The following CACNA2D3 variants were observed in gnomAD, a reference collection of about 807,000 sequenced individuals.
CACNA2D3 encodes voltage-dependent calcium channel subunit alpha-2/delta-3.
CACNA2D3 carries 60 observed loss-of-function variants against 160.6 expected under a neutral mutation model. The observed-to-expected ratio is 0.37, with a 90% CI of 0.30 to 0.46. The LOEUF (loss-of-function observed/expected upper bound fraction) is 0.46. CACNA2D3 is among the 20% of genes least tolerant of loss of function. The pLI is 1.00. For synonymous variants in CACNA2D3, 558 were observed against 492.9 expected, an observed-to-expected ratio of 1.13 and a Z score of -1.75; for missense variants, 1,205 against 1,365.0, an observed-to-expected ratio of 0.88 and a Z score of 1.85.
intron 13 of CACNA2D3, among the ~76,000 whole-genome samples, chr3:54,803,643 C>A (rs1372505300): frequency 6.6e-6 from 1 of 152,140 alleles, no homozygotes; most frequent in African/African-American, 2.4e-5. Context: ...AGGATATGAT[C>A]CAGTAGAACT....
chr3:54,734,575 G>A (rs182292383), intron 11 of CACNA2D3, among the ~76,000 whole-genome samples: 19 of 152,288 alleles, frequency 1.2e-4, no homozygotes, highest in Admixed American at 2.0e-4. Flanking sequence ...ATCTTGGTGC[G>A]TGACACCCCA....
At chr3:54,563,612 G>A (rs1702362028) in intron 6 of CACNA2D3, among the ~76,000 whole-genome samples, 1 of 152,182 alleles carries the variant, frequency 6.6e-6, no homozygotes, top group Non-Finnish European at 1.5e-5. Context: ...ATTAAAAAGG[G>A]AAGTTTTAAT....
At chr3:54,698,653 C>T (rs567625225) in intron 11 of CACNA2D3, among the ~76,000 whole-genome samples, 4 of 152,010 alleles carry the variant, frequency 2.6e-5, no homozygotes, top group African/African-American at 7.2e-5. Flanking sequence ...GAGATGAGAA[C>T]GTACAAGTAA....
At chr3:54,368,461 G>A (rs1559462531) in intron 3 of CACNA2D3, among the ~76,000 whole-genome samples, 1 of 152,080 alleles carries the variant, frequency 6.6e-6, no homozygotes, top group Non-Finnish European at 1.5e-5. Flanking sequence ...GAAAGAGAAG[G>A]GGAGAGGGGC....
At chr3:54,879,681 G>A (rs1010406907) in intron 20 of CACNA2D3, among the ~76,000 whole-genome samples, 10 of 152,226 alleles carry the variant, frequency 6.6e-5, no homozygotes, top group Admixed American at 3.9e-4. Flanking sequence ...CCCGCTAAGG[G>A]TGAAGACAAG....
At chr3:54,347,382 G>A (rs1559456714) in intron 3 of CACNA2D3, among the ~76,000 whole-genome samples, 1 of 152,152 alleles carries the variant, frequency 6.6e-6, no homozygotes, top group African/African-American at 2.4e-5. Flanking sequence ...GGAGTATAGG[G>A]GAGCTGTAAT....
At position 55,007,832 on chromosome 3, in the gene CACNA2D3, G is replaced by A. The variant is rs1418116779; in HGVS notation, c.2809G>A (p.Glu937Lys). 2.6e-6 allele frequency: 4 copies of A among 1,549,872 alleles called. No homozygotes were observed. Among genetic ancestry groups the A allele is most frequent in the Non-Finnish European group, 2.6e-6 (3 of 1,151,864 alleles). ...CTCTGCAGTAAAATGGATCATGACA[G>A]AACTTGTCTTGTAAGTAAAATCTGC... is the stretch of plus-strand genomic sequence containing the variant. ...FLSAVKWIMT[E>K]LVLFLVEFNL... The change falls in exon 33 of 38, where the codon GAA (glutamate) becomes AAA (lysine). Residue 937 changes from glutamate to lysine, a missense_variant. By Grantham distance (56) the Glu-to-Lys change is moderately conservative. Around this residue, in one of 3 missense-constraint regions of CACNA2D3, gnomAD observed 911 missense variants for 1,002.2 expected, o/e 0.91. Transcript: ENST00000474759.
chr3:54,386,904 G>T, intron 4 of CACNA2D3, 130 bp downstream of exon 4: 1 of 796,000 alleles, frequency 1.3e-6, no homozygotes, highest in Non-Finnish European at 1.9e-6. Flanking sequence ...GTACTGAGTT[G>T]GAATCTTTGA....
chr3:54,159,147 G>C (rs1271167738), intron 2 of CACNA2D3, among the ~76,000 whole-genome samples: 1 of 152,084 alleles, frequency 6.6e-6, no homozygotes, highest in African/African-American at 2.4e-5. Context: ...GATTTTGATT[G>C]ATTCAGTCAT....
intron 2 of CACNA2D3, among the ~76,000 whole-genome samples, chr3:54,310,120 C>G (rs1038972183): frequency 3.9e-5 from 6 of 151,964 alleles, no homozygotes; most frequent in African/African-American, 4.8e-5. Context: ...ACCTTGGAGA[C>G]ACTAGATTGG....
intron 35 of CACNA2D3, among the ~76,000 whole-genome samples, chr3:55,045,569 T>C (rs771201121): frequency 2.6e-5 from 4 of 152,224 alleles, no homozygotes; most frequent in Non-Finnish European, 5.9e-5. Context: ...GAATTCAATA[T>C]CTTTATTTAA....
At chr3:54,209,091 A>G (rs549493884) in intron 2 of CACNA2D3, among the ~76,000 whole-genome samples, 4 of 152,326 alleles carry the variant, frequency 2.6e-5, no homozygotes, top group Admixed American at 6.5e-5. Flanking sequence ...CCCTCCCACA[A>G]CATGGGGGAA....
intron 4 of CACNA2D3, among the ~76,000 whole-genome samples, chr3:54,436,066 C>G (rs1169495387): frequency 2.6e-5 from 4 of 151,970 alleles, no homozygotes; most frequent in Non-Finnish European, 5.9e-5. Flanking sequence ...ACAGAGAGAC[C>G]TAAAGGATCT....
intron 12 of CACNA2D3, among the ~76,000 whole-genome samples, chr3:54,762,461 TG>T (rs1300770306): frequency 2.0e-5 from 3 of 152,212 alleles, no homozygotes; most frequent in Non-Finnish European, 4.4e-5. Flanking sequence ...TTTAGCTTAA[TG>T]TTGAATGTGC....
intron 24 of CACNA2D3, 26 bp from the exon 25 acceptor site, chr3:54,891,329 C>T: frequency 1.3e-6 from 2 of 1,559,650 alleles, no homozygotes; most frequent in Non-Finnish European, 1.8e-6. Flanking sequence ...AGAGGCCTCC[C>T]CCTGACGTCT....
At chr3:54,350,483 A>G (rs1232681797) in intron 3 of CACNA2D3, among the ~76,000 whole-genome samples, 1 of 152,188 alleles carries the variant, frequency 6.6e-6, no homozygotes, top group Non-Finnish European at 1.5e-5. Context: ...GAGGGGTACC[A>G]CTGACTACTT....
At chr3:54,458,375 G>A (rs1428512413) in intron 4 of CACNA2D3, among the ~76,000 whole-genome samples, 1 of 151,400 alleles carries the variant, frequency 6.6e-6, no homozygotes, top group African/African-American at 2.4e-5. Flanking sequence ...AATTTCCTCA[G>A]TTTTTGGTTG....
At chr3:54,613,898 A>G (rs1698795538) in intron 9 of CACNA2D3, among the ~76,000 whole-genome samples, 1 of 152,068 alleles carries the variant, frequency 6.6e-6, no homozygotes, top group East Asian at 1.9e-4. Flanking sequence ...GCCCTCCTTT[A>G]GTGCCTCTGT....
chr3:55,035,680 C>G (rs147935943), intron 35 of CACNA2D3, among the ~76,000 whole-genome samples: 1 of 152,282 alleles, frequency 6.6e-6, no homozygotes, highest in Non-Finnish European at 1.5e-5. Context: ...CAAATGCATG[C>G]TTATCAAGCT....
Sources: gnomAD v4.1 joint callset for allele counts (sites outside exome capture counted in the v4.1 genomes callset) on GRCh38, gnomAD v4.1.1 for gene constraint, gnomAD v4.1.1 regional missense constraint, MANE v1.5 for transcripts, NCBI Gene and HGNC (gene_info 2026-07-23, HGNC 2026-07-21) for gene names.